Variants in RAD51B observed in about 807,000 individuals in gnomAD.
The protein encoded by RAD51B is RAD51 paralog B.
Under a neutral mutation model 42.2 loss-of-function variants are expected in RAD51B, and 38 were observed. The observed-to-expected ratio is 0.90, with a 90% CI of 0.70 to 1.18. The LOEUF (loss-of-function observed/expected upper bound fraction) is 1.18. Ranked by LOEUF, RAD51B falls within the 50% of genes most tolerant of loss-of-function variation. RAD51B has a pLI of 0.00. For synonymous variants in RAD51B, 154 were observed against 145.2 expected (o/e 1.06, Z -0.43); for missense variants, 373 against 400.7 (o/e 0.93, Z 0.59).
At chr14:68,058,430 A>G (rs2076515323) in intron 7 of RAD51B, among the ~76,000 whole-genome samples, 1 of 152,140 alleles carries the variant, frequency 6.6e-6, no homozygotes, top group African/African-American at 2.4e-5. Context: ...TGACATTTCC[A>G]ATCCCCTAGC....
chr14:68,339,003 C>T (rs763980943), intron 8 of RAD51B: 3 of 656,366 alleles, frequency 4.6e-6, no homozygotes, highest in Non-Finnish European at 8.4e-6. Flanking sequence ...CCCCTTTTTA[C>T]AACATGGGGC....
intron 7 of RAD51B, among the ~76,000 whole-genome samples, chr14:67,943,542 C>CTCCA (rs912122344): frequency 2.0e-5 from 3 of 152,154 alleles, no homozygotes; most frequent in Non-Finnish European, 4.4e-5. Flanking sequence ...CCACCCATCC[C>CTCCA]TCCATCCATC....
intron 7 of RAD51B, among the ~76,000 whole-genome samples, chr14:68,061,381 T>C (rs901100277): frequency 1.3e-5 from 2 of 152,164 alleles, no homozygotes; most frequent in African/African-American, 2.4e-5. Context: ...TTGAGATCTT[T>C]TGGGGTTCTA....
At chr14:68,249,637 C>T (rs897866281) in intron 7 of RAD51B, among the ~76,000 whole-genome samples, 1 of 152,120 alleles carries the variant, frequency 6.6e-6, no homozygotes, top group South Asian at 2.1e-4. Context: ...TACATCACAC[C>T]CTCACCACTT....
Position 68,130,388 on chromosome 14 carries a change from G to A in RAD51B, c.757-161496G>A, listed in dbSNP as rs552003006. ...TGTTTAAAGATTGGGTTTTGAAACT[G>A]ATTAGCTGAGATTTAGATCCTGGAA... On this transcript the variant is annotated intron_variant, in intron 7 of 10. Transcript: ENST00000471583. 6.8e-4 allele frequency among the ~76,000 whole-genome samples: 103 copies of A among 152,308 alleles called. 5 individuals carry two copies. In the South Asian group the frequency reaches 0.02, roughly 30 times the overall value.
intron 7 of RAD51B, among the ~76,000 whole-genome samples, chr14:68,063,167 CT>C (rs1427591083): frequency 6.6e-6 from 1 of 150,976 alleles, no homozygotes; most frequent in African/African-American, 2.4e-5. Context: ...TTTTGTTTAT[CT>C]TTTTGAAAAT....
intron 7 of RAD51B, 106 bp from the exon 8 acceptor site, chr14:68,291,778 C>A: frequency 1.2e-6 from 1 of 826,336 alleles, no homozygotes; most frequent in Non-Finnish European, 2.0e-6. Flanking sequence ...ATTTATCAGT[C>A]TTCTCCTAAA....
chr14:68,621,469 G>A (rs1427087677), intron 10 of RAD51B, among the ~76,000 whole-genome samples: 2 of 152,138 alleles, frequency 1.3e-5, no homozygotes, highest in African/African-American at 4.8e-5. Flanking sequence ...CCAAGCCACT[G>A]TGGATATTTT....
chr14:68,267,222 T>C (rs2081010296), intron 7 of RAD51B, among the ~76,000 whole-genome samples: 1 of 152,214 alleles, frequency 6.6e-6, no homozygotes, highest in Non-Finnish European at 1.5e-5. Context: ...GGTTTTGAGC[T>C]CTGAAGGTGA....
intron 8 of RAD51B, among the ~76,000 whole-genome samples, chr14:68,396,287 T>TAA (rs1410523487): frequency 6.6e-6 from 1 of 152,222 alleles, no homozygotes; most frequent in Non-Finnish European, 1.5e-5. Context: ...CGGTACTATG[T>TAA]CGTTGTCCCT....
At position 68,649,154 on chromosome 14, in the gene RAD51B, G is replaced by A. The variant is rs112434318; in HGVS notation, c.1037-1627G>A. The stretch of plus-strand genomic sequence containing the variant: ...GGGCACATTAGGACACATTAAGATG[G>A]ATTGAGCTCCCAGCTCCAAGCTCCG... On this transcript the variant is annotated intron_variant, in intron 10 of 11. Coordinates refer to the RAD51B transcript ENST00000488612. Among the ~76,000 whole-genome samples the A allele has an allele frequency of 1.5e-3, 221 of 152,308 alleles. 2 individuals are homozygous for A. The highest frequency in any genetic ancestry group is 5.1e-3 in the African/African-American group (214 of 41,568).
At chr14:68,128,844 A>G (rs1482505186) in intron 7 of RAD51B, among the ~76,000 whole-genome samples, 1 of 152,224 alleles carries the variant, frequency 6.6e-6, no homozygotes, top group East Asian at 1.9e-4. Context: ...TCTCTATTTT[A>G]AAAGAGTTAA....
At chr14:68,149,783 T>A (rs2078336153) in intron 7 of RAD51B, 1 of 152,226 alleles carries the variant, frequency 6.6e-6, no homozygotes. Context: ...AGCATATTGA[T>A]GCTGAACTAA....
chr14:68,314,019 G>C (rs143041352), intron 8 of RAD51B, among the ~76,000 whole-genome samples: 1 of 152,272 alleles, frequency 6.6e-6, no homozygotes, highest in East Asian at 1.9e-4. Context: ...TGCCAGAGCA[G>C]TTCATCTAGC....
At chr14:67,879,463 G>C (rs1221671659) in intron 5 of RAD51B, among the ~76,000 whole-genome samples, 1 of 151,474 alleles carries the variant, frequency 6.6e-6, no homozygotes, top group Admixed American at 6.6e-5. Context: ...TTTTTTAAGA[G>C]ACAGGGCCTC....
At chr14:68,281,459 A>G (rs972725643) in intron 7 of RAD51B, among the ~76,000 whole-genome samples, 2 of 152,236 alleles carry the variant, frequency 1.3e-5, no homozygotes, top group Admixed American at 6.5e-5. Flanking sequence ...AGAGACATTA[A>G]CTAATCTACC....
chr14:68,435,869 G>A (rs945814485), intron 9 of RAD51B, among the ~76,000 whole-genome samples: 1 of 151,988 alleles, frequency 6.6e-6, no homozygotes, highest in Non-Finnish European at 1.5e-5. Context: ...TTTTAATGGG[G>A]TTATTTATTT....
At chr14:68,109,377 T>C (rs1262748554) in intron 7 of RAD51B, among the ~76,000 whole-genome samples, 1 of 152,074 alleles carries the variant, frequency 6.6e-6, no homozygotes, top group Admixed American at 6.6e-5. Flanking sequence ...AAACATGTTA[T>C]CGAAGTAGGT....
rs533181497 is a variant in RAD51B at position 67,959,869 on chromosome 14, C to T, written c.756+72665C>T. Among the ~76,000 whole-genome samples the T allele has an allele frequency of 4.6e-5, 7 of 152,198 alleles. No individual in the cohort carries two copies. The South Asian group carries it at 1.5e-3, about 32-fold the overall frequency. On this transcript the variant is annotated intron_variant, in intron 7 of 10. Coordinates refer to ENST00000471583, the MANE Select transcript of RAD51B (RefSeq NM_133510.4). The stretch of plus-strand genomic sequence containing the variant: ...CCAAGACAGGTGGATCACTTGCGGT[C>T]AGGAGTTTGAAACTAGCCTGGCCAA...
Sources: gnomAD v4.1 joint callset for allele counts (sites outside exome capture counted in the v4.1 genomes callset) on GRCh38, gnomAD v4.1.1 for gene constraint, MANE v1.5 for transcripts, NCBI Gene and HGNC (gene_info 2026-07-23, HGNC 2026-07-21) for gene names.